The following DDR2 variants were observed in gnomAD, a reference collection of about 807,000 sequenced individuals.
DDR2 encodes discoidin domain-containing receptor 2.
Under a neutral mutation model 94.9 loss-of-function variants are expected in DDR2, and 27 were observed. The ratio of observed to expected loss-of-function variants is 0.28; its 90% confidence interval spans 0.21 to 0.39. The LOEUF (loss-of-function observed/expected upper bound fraction) is 0.39, where lower values mean the gene tolerates loss of function less well. Among genes scored for constraint, DDR2 ranks in the 10% least tolerant of loss-of-function variants. DDR2 has a pLI of 1.00. For missense variants in DDR2, 783 were observed against 1,076.0 expected (o/e 0.73, Z 3.81); for synonymous variants, 382 against 377.2 (o/e 1.01, Z -0.15).
At chr1:162,677,282 C>T (rs1659178844) in intron 2 of DDR2, among the ~76,000 whole-genome samples, 1 of 152,182 alleles carries the variant, frequency 6.6e-6, no homozygotes, top group South Asian at 2.1e-4. Flanking sequence ...CCAAATGCTG[C>T]TCTGTCACTT....
chr1:162,751,975 A>G (rs936132989), intron 3 of DDR2, among the ~76,000 whole-genome samples: 2 of 152,138 alleles, frequency 1.3e-5, no homozygotes, highest in African/African-American at 4.8e-5. Context: ...GGCGGAGAAC[A>G]TCACACACTG....
In DDR2 at chr1:162,684,848, C is replaced by T. The variant is rs186635065; in HGVS notation, c.-28+29474C>T. 1.0e-3 allele frequency among the ~76,000 whole-genome samples: 146 copies of T among 144,946 alleles called. 1 individual carries two copies. Among genetic ancestry groups the T allele is most frequent in the Middle Eastern group, 7.0e-3 (2 of 286 alleles). On this transcript the variant is annotated intron_variant, in intron 2 of 17. Coordinates refer to ENST00000367921, the MANE Select transcript of DDR2 (RefSeq NM_006182.4). Reference sequence around the variant, plus strand: ...ACACACACACACACACACACACACACACACACATACATGAATAGCACCCTT... The same window carrying T: ...ACACACACACACACACACACACACATACACACATACATGAATAGCACCCTT...
At position 162,771,269 on chromosome 1, in the gene DDR2, T is replaced by G. The variant is rs537243101; in HGVS notation, c.1505-755T>G. On this transcript the variant is annotated intron_variant, in intron 12 of 17. Coordinates refer to ENST00000367921, the MANE Select transcript of DDR2 (RefSeq NM_006182.4). ...AGATCATCAACCTGAGGGACCCGAGTCAGTAGAAAAGAACTTGTAGTGTTC... is the reference window on the plus strand; with the variant it reads ...AGATCATCAACCTGAGGGACCCGAGGCAGTAGAAAAGAACTTGTAGTGTTC... Among the ~76,000 whole-genome samples, 87 of 152,172 alleles carry G rather than the reference T, an allele frequency of 5.7e-4. 1 individual carries two copies. Among genetic ancestry groups the G allele is most frequent in the African/African-American group, 1.9e-3 (80 of 41,522 alleles).
intron 2 of DDR2, among the ~76,000 whole-genome samples, chr1:162,701,049 G>T (rs1275640416): frequency 2.1e-5 from 3 of 145,874 alleles, no homozygotes; most frequent in African/African-American, 7.6e-5. Context: ...GACTTGGGGA[G>T]ATCTGGGTAT....
chr1:162,709,279 G>C (rs1660789666), intron 2 of DDR2, among the ~76,000 whole-genome samples: 1 of 152,202 alleles, frequency 6.6e-6, no homozygotes, highest in African/African-American at 2.4e-5. Context: ...CTGGTTTAAA[G>C]AAACCAGTTA....
chr1:162,778,762 C>A (rs2102207573), intron 17 of DDR2, 33 bp downstream of exon 17: 1 of 1,613,326 alleles, frequency 6.2e-7, no homozygotes, highest in Non-Finnish European at 8.5e-7. Flanking sequence ...GGATGTGGAC[C>A]TGTGTACCTT....
intron 2 of DDR2, among the ~76,000 whole-genome samples, chr1:162,673,604 TGTGTGAGAGAGA>T (rs1394933394): frequency 5.6e-4 from 71 of 127,664 alleles, no homozygotes; most frequent in Admixed American, 1.1e-3. Context: ...TATGTGTGTG[TGTGTGAGAGAGA>T]GAGAGAGAGA....
Position 162,761,629 on chromosome 1 carries a change from G to A in DDR2, c.1099+175G>A, listed in dbSNP as rs533131598. Reference sequence around the variant, plus strand: ...CTAGTTTTAACTGTGGAGGGGATGGGATGAGAATGGAAGTGAACAAAATAT... The same window carrying A: ...CTAGTTTTAACTGTGGAGGGGATGGAATGAGAATGGAAGTGAACAAAATAT... On this transcript the variant is annotated intron_variant, in intron 9 of 17. Transcript: ENST00000367921. Among the ~76,000 whole-genome samples the A allele has an allele frequency of 9.8e-5, 15 of 152,294 alleles. No individual in the cohort carries two copies. The East Asian group carries it at 2.9e-3, about 29-fold the overall frequency.
At position 162,719,111 on chromosome 1, in the gene DDR2, T is replaced by G; in HGVS notation, c.48T>G (p.Pro16=). 1 of 1,613,880 alleles carries G rather than the reference T, an allele frequency of 6.2e-7. No homozygotes were observed. Among genetic ancestry groups the G allele is most frequent in the South Asian group, 1.1e-5 (1 of 91,084 alleles). Residue 16 remains proline, a synonymous_variant, in exon 3 of 18, where the codon CCT becomes CCG. Transcript: ENST00000367921. Reference sequence around the variant, plus strand: ...TCTTGGTGCTGTTCCTGCTGCTGCCTATCTTGAGTTCTGCAAAAGCTCAGG... The same window carrying G: ...TCTTGGTGCTGTTCCTGCTGCTGCCGATCTTGAGTTCTGCAAAAGCTCAGG... ...RMLLVLFLLL[P]ILSSAKAQVN...
At chr1:162,778,832 T>C (rs901153831) in intron 17 of DDR2, 103 bp downstream of exon 17, 4 of 1,450,494 alleles carry the variant, frequency 2.8e-6, no homozygotes, top group Middle Eastern at 2.2e-4. Context: ...GAAGACAGAC[T>C]ATCCAGGTGT....
chr1:162,770,274 T>C, intron 11 of DDR2, 28 bp from the exon 12 acceptor site: 1 of 1,611,110 alleles, frequency 6.2e-7, no homozygotes, highest in Non-Finnish European at 8.5e-7. Context: ...TGTGCCAACA[T>C]GCCTTTCTCC....
chr1:162,779,985 T>C, intron 17 of DDR2, 127 bp from the exon 18 acceptor site: 1 of 1,382,320 alleles, frequency 7.2e-7, no homozygotes, highest in Non-Finnish European at 1.0e-6. Context: ...CCCATTTCAG[T>C]TATCAAGTTC....
rs1388037037 is a variant in DDR2 at position 162,784,083 on chromosome 1, G to A, written c.*3837G>A. 6.6e-6 allele frequency: 1 copy of A among 152,150 alleles called. No individual in the cohort carries two copies. Among genetic ancestry groups the A allele is most frequent in the Non-Finnish European group, 1.5e-5 (1 of 68,022 alleles). 9.4% of individuals were successfully genotyped at this position (152,150 alleles called of 1,614,324 possible). A position where few individuals can be genotyped will look rare whatever the true frequency, so the allele number is the denominator to read the frequency against. ...CATAAGTTAGACAAGATTAAATCTT[G>A]TCTGATATCTGCACAAACAGATATG... On this transcript the variant is annotated 3_prime_UTR_variant, in exon 18 of 18. Coordinates refer to ENST00000367921, the MANE Select transcript of DDR2 (RefSeq NM_006182.4).
intron 1 of DDR2, among the ~76,000 whole-genome samples, chr1:162,640,455 A>C (rs2101887678): frequency 6.6e-6 from 1 of 152,294 alleles, no homozygotes; most frequent in East Asian, 1.9e-4. Flanking sequence ...GTAGCAGAGG[A>C]CAAGGGTGTA....
At position 162,783,337 on chromosome 1, in the gene DDR2, A is replaced by T. The variant is rs1267101143; in HGVS notation, c.*3091A>T. ...AAAATGTGGTTTTAATGTTGTGGAAAGATCACTTGCAAGTATATAAGACTG... is the reference window on the plus strand; with the variant it reads ...AAAATGTGGTTTTAATGTTGTGGAATGATCACTTGCAAGTATATAAGACTG... On this transcript the variant is annotated 3_prime_UTR_variant, in exon 18 of 18. Coordinates refer to ENST00000367921, the MANE Select transcript of DDR2 (RefSeq NM_006182.4). The T allele has an allele frequency of 1.3e-5, 2 of 152,208 alleles. No homozygotes were observed. Among genetic ancestry groups the T allele is most frequent in the Non-Finnish European group, 2.9e-5 (2 of 68,066 alleles). The allele number at this position is 152,208 out of a possible 1,614,324, so 9.4% of individuals were successfully genotyped here.
intron 2 of DDR2, among the ~76,000 whole-genome samples, chr1:162,670,632 A>G (rs1208012138): frequency 6.7e-6 from 1 of 150,194 alleles, no homozygotes. Context: ...GTTGCCCTCT[A>G]GTTTCCTCCT....
At chr1:162,741,173 A>G (rs934699425) in intron 3 of DDR2, among the ~76,000 whole-genome samples, 14 of 144,038 alleles carry the variant, frequency 9.7e-5, no homozygotes, top group African/African-American at 3.1e-4. Context: ...ATAATATAAT[A>G]TAATATAATA....
intron 13 of DDR2, 175 bp downstream of exon 13, chr1:162,772,422 A>G: frequency 1.4e-6 from 1 of 719,288 alleles, no homozygotes; most frequent in Non-Finnish European, 2.4e-6. Flanking sequence ...TTTGTCAAAT[A>G]GCTGTGGAGT....
chr1:162,775,268 A>AAC (rs397806683), intron 14 of DDR2, among the ~76,000 whole-genome samples: 1 of 150,718 alleles, frequency 6.6e-6, no homozygotes, highest in Non-Finnish European at 1.5e-5. Context: ...AAAAAAAAAA[A>AAC]GGTAAATATC....
Sources: gnomAD v4.1 joint callset for allele counts (sites outside exome capture counted in the v4.1 genomes callset) on GRCh38, gnomAD v4.1.1 for gene constraint, MANE v1.5 for transcripts, NCBI Gene and HGNC (gene_info 2026-07-23, HGNC 2026-07-21) for gene names.